Variants in PHTF2 observed in about 807,000 individuals in gnomAD.
PHTF2 encodes protein PHTF2.
Under a neutral mutation model 101.2 loss-of-function variants are expected in PHTF2, and 60 were observed. That is an observed-to-expected ratio of 0.59 (90% CI 0.48 to 0.73). PHTF2 has a LOEUF of 0.73. PHTF2 is among the 30% of genes least tolerant of loss of function. PHTF2 has a pLI of 0.00. For synonymous variants in PHTF2, 311 were observed against 307.3 expected (o/e 1.01, Z -0.13); for missense variants, 747 against 908.7 (o/e 0.82, Z 2.29).
intron 1 of PHTF2, among the ~76,000 whole-genome samples, chr7:77,821,708 G>T (rs1331071235): frequency 6.6e-6 from 1 of 151,434 alleles, no homozygotes. Context: ...TCTGTCTACC[G>T]GGGGGGCCCA....
intron 1 of PHTF2, among the ~76,000 whole-genome samples, chr7:77,839,772 G>A (rs966465240): frequency 4.6e-5 from 7 of 152,098 alleles, no homozygotes; most frequent in African/African-American, 1.7e-4. Flanking sequence ...TGTTTACTGA[G>A]TGTCAGGGAA....
chr7:77,863,565 A>T (rs1005682143), intron 3 of PHTF2, among the ~76,000 whole-genome samples: 1 of 152,002 alleles, frequency 6.6e-6, no homozygotes, highest in Non-Finnish European at 1.5e-5. Context: ...GATTTTTAGG[A>T]TTAAAGATTT....
At chr7:77,893,443 C>CTT (rs1456678917) in intron 3 of PHTF2, among the ~76,000 whole-genome samples, 165 bp from the exon 3 acceptor site, 1 of 152,106 alleles carries the variant, frequency 6.6e-6, no homozygotes, top group Admixed American at 6.6e-5. Flanking sequence ...TGAAATCATA[C>CTT]TTTGAGAACC....
chr7:77,834,086 T>G (rs1237154819), intron 1 of PHTF2, among the ~76,000 whole-genome samples: 1 of 152,058 alleles, frequency 6.6e-6, no homozygotes, highest in South Asian at 2.1e-4. Context: ...ATATACCCTC[T>G]GATTAGCAGC....
At chr7:77,902,729 A>AT (rs1011407831) in intron 7 of PHTF2, among the ~76,000 whole-genome samples, 1 of 152,138 alleles carries the variant, frequency 6.6e-6, no homozygotes, top group African/African-American at 2.4e-5. Flanking sequence ...AAAAAAAAAA[A>AT]CCATGATTAC....
chr7:77,900,700 ATATAT>A lies in PHTF2; in HGVS notation c.217-6_217-2del. ...ATATACAATTCCAATGCTTCTTTTG[ATATAT>A]TATAGGGGCTAAGGAATAAACCAAA... On this transcript the variant is annotated splice_polypyrimidine_tract_variant and splice_region_variant and intron_variant, in intron 5 of 19. Transcript: ENST00000416283. The A allele has an allele frequency of 1.5e-6, 2 of 1,368,518 alleles. No homozygotes were observed. The highest frequency in any genetic ancestry group is 2.1e-6 in the Non-Finnish European group (2 of 956,822). The allele number at this position is 1,368,518 out of a possible 1,614,324, so 84.8% of individuals were successfully genotyped here.
intron 8 of PHTF2, 76 bp from the exon 8 acceptor site, chr7:77,910,169 A>C: frequency 7.9e-7 from 1 of 1,263,078 alleles, no homozygotes; most frequent in South Asian, 1.6e-5. Context: ...GTTTTCCAAA[A>C]TTTTGATTGT....
chr7:77,856,093 T>G (rs1311158138), intron 3 of PHTF2, among the ~76,000 whole-genome samples: 1 of 152,158 alleles, frequency 6.6e-6, no homozygotes, highest in Non-Finnish European at 1.5e-5. Flanking sequence ...TGAAAGTTTT[T>G]TTTACCAGGT....
chr7:77,915,979 C>CTGTG (rs34376513), intron 9 of PHTF2, among the ~76,000 whole-genome samples: 56,534 of 147,698 alleles, frequency 0.38, 11,566 homozygotes, highest in East Asian at 0.61. Context: ...ATTTGTGTGT[C>CTGTG]TGTGTGTGTG....
chr7:77,836,119 C>CAAAAAA (rs1210225270), intron 1 of PHTF2, among the ~76,000 whole-genome samples: 1,862 of 64,232 alleles, frequency 0.029, 36 homozygotes, highest in African/African-American at 0.046. Context: ...AACTCCATCT[C>CAAAAAA]AAAAAAAAAA....
intron 2 of PHTF2, among the ~76,000 whole-genome samples, chr7:77,852,657 G>T (rs1417903726): frequency 6.6e-6 from 1 of 152,126 alleles, no homozygotes; most frequent in East Asian, 1.9e-4. Flanking sequence ...TTCTGTGTTT[G>T]TCTGTGTACT....
At chr7:77,853,105 A>G (rs1471847131) in intron 2 of PHTF2, among the ~76,000 whole-genome samples, 3 of 152,070 alleles carry the variant, frequency 2.0e-5, no homozygotes, top group Non-Finnish European at 4.4e-5. Flanking sequence ...CTTATACTTG[A>G]ATATTGATAT....
intron 3 of PHTF2, among the ~76,000 whole-genome samples, chr7:77,886,425 T>C (rs992526930): frequency 7.9e-5 from 12 of 152,200 alleles, no homozygotes; most frequent in African/African-American, 2.9e-4. Flanking sequence ...GCAGTCTTTT[T>C]CTCTACCTAC....
Position 77,949,667 on chromosome 7 carries a change from C to T in PHTF2, c.1960-11C>T, listed in dbSNP as rs1806371998. 3.4e-6 allele frequency: 5 copies of T among 1,491,680 alleles called. No homozygotes were observed. The highest frequency in any genetic ancestry group is 4.4e-5 in the Admixed American group (2 of 45,758). 92.4% of individuals were successfully genotyped at this position (1,491,680 alleles called of 1,614,324 possible). A position where few individuals can be genotyped will look rare whatever the true frequency, so the allele number is the denominator to read the frequency against. ...CATTGCTGCTTTATGTTACCTTTTT[C>T]ATACTTTTAGCTACTTCATGTACAC... is the stretch of plus-strand genomic sequence containing the variant. On this transcript the variant is annotated splice_polypyrimidine_tract_variant and intron_variant, in intron 16 of 19. Coordinates refer to ENST00000416283, the Ensembl canonical transcript of PHTF2.
At chr7:77,841,732 T>G (rs1271331355) in intron 2 of PHTF2, among the ~76,000 whole-genome samples, 1 of 152,236 alleles carries the variant, frequency 6.6e-6, no homozygotes, top group Admixed American at 6.5e-5. Flanking sequence ...TAATTGTCTT[T>G]TGTGTTTGTT....
chr7:77,815,683 C>T (rs1046641303), intron 1 of PHTF2, among the ~76,000 whole-genome samples: 1 of 152,218 alleles, frequency 6.6e-6, no homozygotes, highest in Non-Finnish European at 1.5e-5. Context: ...GAAATAGTCA[C>T]TCATTGGCAT....
chr7:77,852,975 G>A (rs997528740), intron 2 of PHTF2, among the ~76,000 whole-genome samples: 3 of 152,080 alleles, frequency 2.0e-5, no homozygotes, highest in African/African-American at 4.8e-5. Flanking sequence ...ATTGCATGTT[G>A]TTTCTTTTCT....
intron 1 of PHTF2, among the ~76,000 whole-genome samples, chr7:77,802,761 C>T (rs1251757561): frequency 6.6e-6 from 1 of 152,134 alleles, no homozygotes; most frequent in Non-Finnish European, 1.5e-5. Context: ...AGGCTAGAGA[C>T]CTCAAGTGAT....
At chr7:77,911,763 A>T (rs947787229) in intron 9 of PHTF2, among the ~76,000 whole-genome samples, 1 of 152,220 alleles carries the variant, frequency 6.6e-6, no homozygotes, top group African/African-American at 2.4e-5. Context: ...TTCTATTCCA[A>T]TCACCTATTC....
Sources: gnomAD v4.1 joint callset for allele counts (sites outside exome capture counted in the v4.1 genomes callset) on GRCh38, gnomAD v4.1.1 for gene constraint, MANE v1.5 for transcripts, NCBI Gene and HGNC (gene_info 2026-07-23, HGNC 2026-07-21) for gene names.